Variants in AGBL4 observed in about 807,000 individuals in gnomAD.
AGBL4 encodes the protein AGBL carboxypeptidase 4, also known as cytosolic carboxypeptidase 6.
In AGBL4, 58 loss-of-function variants were observed where a neutral mutation model predicts 66.4. The observed-to-expected ratio is 0.87, with a 90% CI of 0.71 to 1.09. The LOEUF (loss-of-function observed/expected upper bound fraction) is 1.09. AGBL4 is among the 50% of genes least tolerant of loss of function. AGBL4 has a pLI of 0.00. For synonymous variants in AGBL4, 234 were observed against 222.9 expected, an observed-to-expected ratio of 1.05 and a Z score of -0.44; for missense variants, 579 against 631.0, an observed-to-expected ratio of 0.92 and a Z score of 0.88.
intron 1 of AGBL4, among the ~76,000 whole-genome samples, chr1:49,889,758 A>G (rs1648448189): frequency 6.7e-6 from 1 of 150,228 alleles, no homozygotes; most frequent in African/African-American, 2.4e-5. Flanking sequence ...CTCCATCTCA[A>G]AAAAAAAAAG....
At chr1:48,861,425 G>T (rs1427567022) in intron 6 of AGBL4, among the ~76,000 whole-genome samples, 1 of 151,814 alleles carries the variant, frequency 6.6e-6, no homozygotes, top group African/African-American at 2.4e-5. Flanking sequence ...GTATCAAGCA[G>T]GATAAATAAA....
chr1:48,816,154 T>C (rs1192900660), intron 6 of AGBL4, among the ~76,000 whole-genome samples: 1 of 151,740 alleles, frequency 6.6e-6, no homozygotes, highest in Non-Finnish European at 1.5e-5. Context: ...TAGACAGAGA[T>C]GTCGCCAGCT....
chr1:49,566,449 A>G (rs1244298274), intron 3 of AGBL4, among the ~76,000 whole-genome samples: 6 of 151,954 alleles, frequency 3.9e-5, no homozygotes, highest in African/African-American at 9.7e-5. Flanking sequence ...TTGGTCTTTG[A>G]TGATGGTAAT....
intron 12 of AGBL4, among the ~76,000 whole-genome samples, chr1:48,536,485 T>C (rs1185462529): frequency 6.6e-6 from 1 of 152,212 alleles, no homozygotes; most frequent in African/African-American, 2.4e-5. Context: ...ACTTATACAC[T>C]TTTCAGTATT....
At chr1:49,459,032 TTTTC>T (rs933476774) in intron 3 of AGBL4, among the ~76,000 whole-genome samples, 2 of 151,248 alleles carry the variant, frequency 1.3e-5, no homozygotes, top group African/African-American at 4.8e-5. Flanking sequence ...TTCCTTCCTC[TTTTC>T]TTTCTTTCTC....
At chr1:49,821,459 G>C (rs976115737) in intron 2 of AGBL4, among the ~76,000 whole-genome samples, 3 of 152,172 alleles carry the variant, frequency 2.0e-5, no homozygotes, top group African/African-American at 7.2e-5. Flanking sequence ...CACTCCAAAT[G>C]TTCAAGAGTG....
At chr1:49,364,623 G>A (rs1383955807) in intron 3 of AGBL4, among the ~76,000 whole-genome samples, 4 of 151,950 alleles carry the variant, frequency 2.6e-5, no homozygotes, top group African/African-American at 7.2e-5. Flanking sequence ...GCCTACAGAC[G>A]TGCACCACCA....
At chr1:49,631,084 T>A (rs1645561882) in intron 3 of AGBL4, among the ~76,000 whole-genome samples, 1 of 152,020 alleles carries the variant, frequency 6.6e-6, no homozygotes, top group Admixed American at 6.6e-5. Flanking sequence ...GTGGACTAAC[T>A]CCCAAAGCTG....
rs377154940 is a variant in AGBL4 at position 48,794,353 on chromosome 1, A to C, written c.634+72838T>G. Among the ~76,000 whole-genome samples the C allele has an allele frequency of 1.1e-4, 17 of 152,290 alleles. No homozygotes were observed. In the South Asian group the frequency reaches 3.1e-3, roughly 28 times the overall value. ...ACATGCCCAAGCCTTTCCCAGCTTC[A>C]AAAAGCAACAATGGCCACCTCAAAA... is the stretch of plus-strand genomic sequence containing the variant. On this transcript the variant is annotated intron_variant, in intron 6 of 13. Transcript: ENST00000371839.
chr1:49,388,347 G>A (rs1644779051), intron 3 of AGBL4, among the ~76,000 whole-genome samples: 1 of 151,946 alleles, frequency 6.6e-6, no homozygotes, highest in Non-Finnish European at 1.5e-5. Context: ...GGGCATTGTT[G>A]TGTTAAAATA....
chr1:49,044,758 A>T (rs2149055840), intron 5 of AGBL4, among the ~76,000 whole-genome samples: 1 of 152,308 alleles, frequency 6.6e-6, no homozygotes. Flanking sequence ...AGACTCAACC[A>T]GCCACTGATA....
chr1:48,999,534 A>C (rs929647875), intron 5 of AGBL4, among the ~76,000 whole-genome samples: 2 of 152,218 alleles, frequency 1.3e-5, no homozygotes, highest in Non-Finnish European at 2.9e-5. Context: ...CCAGAAGTGA[A>C]AGGAATGCAC....
Position 49,338,045 on chromosome 1 carries a change from G to A in AGBL4, c.283-92181C>T, listed in dbSNP as rs143374974. On this transcript the variant is annotated intron_variant, in intron 3 of 13. Coordinates refer to ENST00000371839, the MANE Select transcript of AGBL4 (RefSeq NM_032785.4). ...AATCAGTTAAATTGCCCAAATTATTGAAGTTTAGTTACTTAAATAAAAGGT... is the reference window on the plus strand; with the variant it reads ...AATCAGTTAAATTGCCCAAATTATTAAAGTTTAGTTACTTAAATAAAAGGT... Among the ~76,000 whole-genome samples the A allele has an allele frequency of 2.1e-3, 324 of 152,240 alleles. 1 individual carries two copies. Among genetic ancestry groups the A allele is most frequent in the Non-Finnish European group, 3.3e-3 (225 of 68,022 alleles).
intron 3 of AGBL4, among the ~76,000 whole-genome samples, chr1:49,555,697 AC>A (rs1159304374): frequency 0.011 from 1,683 of 151,100 alleles, 29 homozygotes; most frequent in African/African-American, 0.039. Context: ...AAAAAAAAAA[AC>A]CCATCAAAAA....
chr1:48,625,803 G>C (rs138671490), intron 9 of AGBL4, among the ~76,000 whole-genome samples: 94 of 152,270 alleles, frequency 6.2e-4, no homozygotes, highest in Middle Eastern at 3.4e-3. Context: ...TGCTTGACAG[G>C]AATATTATTC....
At chr1:48,855,139 A>C (rs1647117174) in intron 6 of AGBL4, among the ~76,000 whole-genome samples, 1 of 152,172 alleles carries the variant, frequency 6.6e-6, no homozygotes, top group African/African-American at 2.4e-5. Flanking sequence ...CCTTCAGCCT[A>C]ATAGTGAAGG....
At chr1:49,844,100 G>A (rs1266831232) in intron 2 of AGBL4, among the ~76,000 whole-genome samples, 2 of 152,158 alleles carry the variant, frequency 1.3e-5, no homozygotes, top group African/African-American at 4.8e-5. Flanking sequence ...ATACACCAAG[G>A]GTCATTTATC....
intron 7 of AGBL4, among the ~76,000 whole-genome samples, chr1:48,657,307 G>A (rs1002420022): frequency 3.9e-5 from 6 of 152,158 alleles, no homozygotes; most frequent in African/African-American, 7.2e-5. Context: ...ATTGCTCTTC[G>A]TTGGCTTGCT....
intron 3 of AGBL4, among the ~76,000 whole-genome samples, chr1:49,662,460 T>C (rs1033600382): frequency 3.9e-5 from 6 of 151,964 alleles, no homozygotes; most frequent in African/African-American, 1.4e-4. Flanking sequence ...AGCCAACATA[T>C]TGACAGAATT....
Sources: allele counts gnomAD v4.1 joint callset (sites outside exome capture counted in the v4.1 genomes callset), GRCh38; gene constraint gnomAD v4.1.1; transcripts MANE v1.5; gene names NCBI Gene and HGNC (gene_info 2026-07-23, HGNC 2026-07-21).